The following TUSC3 variants were observed in gnomAD, a reference collection of about 807,000 sequenced individuals.
TUSC3 encodes the protein dolichyl-diphosphooligosaccharide--protein glycosyltransferase subunit TUSC3.
In TUSC3, 45 loss-of-function variants were observed where a neutral mutation model predicts 44.8. The observed-to-expected ratio is 1.00, with a 90% CI of 0.79 to 1.29. TUSC3 has a LOEUF of 1.29. Among genes scored for constraint, TUSC3 ranks in the 50% most tolerant of loss-of-function variants. The pLI is 0.00. For synonymous variants in TUSC3, 212 were observed against 152.9 expected (o/e 1.39, Z -2.85); for missense variants, 519 against 437.9 (o/e 1.19, Z -1.65).
intron 1 of TUSC3, among the ~76,000 whole-genome samples, chr8:15,590,513 A>C (rs10107821): frequency 0.027 from 4,168 of 152,022 alleles, 158 homozygotes; most frequent in African/African-American, 0.083. Flanking sequence ...ATTAACATTT[A>C]ATTTTTGTTT....
chr8:15,711,394 T>C (rs1433096704), intron 6 of TUSC3, among the ~76,000 whole-genome samples: 1 of 151,772 alleles, frequency 6.6e-6, no homozygotes, highest in Non-Finnish European at 1.5e-5. Context: ...GATAATTTAG[T>C]TTACTTTTTC....
chr8:15,644,874 G>A (rs896313287), intron 2 of TUSC3, among the ~76,000 whole-genome samples: 2 of 152,018 alleles, frequency 1.3e-5, no homozygotes, highest in Non-Finnish European at 2.9e-5. Flanking sequence ...TTTTCCCCAA[G>A]TATTGTATTT....
intron 1 of TUSC3, among the ~76,000 whole-genome samples, chr8:15,427,582 C>T (rs2129116305): frequency 6.6e-6 from 1 of 152,248 alleles, no homozygotes; most frequent in Non-Finnish European, 1.5e-5. Flanking sequence ...CCTGGTTGGC[C>T]TTCTTCCAAA....
intron 2 of TUSC3, among the ~76,000 whole-genome samples, chr8:15,527,462 C>T (rs952251281): frequency 6.6e-6 from 1 of 152,210 alleles, no homozygotes; most frequent in African/African-American, 2.4e-5. Flanking sequence ...CGTGATCCAC[C>T]TGCCCCGGCC....
At chr8:15,588,871 G>T (rs773999396) in intron 1 of TUSC3, among the ~76,000 whole-genome samples, 3 of 152,064 alleles carry the variant, frequency 2.0e-5, no homozygotes, top group Non-Finnish European at 2.9e-5. Flanking sequence ...CTGTGAATAT[G>T]TGGATTTATT....
intron 9 of TUSC3, 58 bp downstream of exon 9, chr8:15,748,523 A>T: frequency 7.3e-7 from 1 of 1,369,832 alleles, no homozygotes; most frequent in Middle Eastern, 1.8e-4. Context: ...ACAGAGTTTC[A>T]GTGGTTAATA....
At position 15,540,363 on chromosome 8, in the gene TUSC3, G is replaced by C. The variant is rs1047084639; in HGVS notation, c.-68G>C. 1.9e-5 allele frequency: 28 copies of C among 1,445,232 alleles called. 1 individual carries two copies. Among genetic ancestry groups the C allele is most frequent in the Non-Finnish European group, 2.6e-5 (28 of 1,094,410 alleles). 89.5% of individuals were successfully genotyped at this position (1,445,232 alleles called of 1,614,324 possible). On this transcript the variant is annotated 5_prime_UTR_variant, in exon 1 of 11. Coordinates refer to ENST00000503731, the MANE Select transcript of TUSC3 (RefSeq NM_006765.4). ...CGGGCTCCCGGAGGCTGGCCGGGCAGGCGTGGTGCGCGGTAGGAGCTGGGC... is the reference window on the plus strand; with the variant it reads ...CGGGCTCCCGGAGGCTGGCCGGGCACGCGTGGTGCGCGGTAGGAGCTGGGC...
chr8:15,849,248 G>T, the TUSC3 span, among the ~76,000 whole-genome samples: 1 of 151,894 alleles, frequency 6.6e-6, no homozygotes, highest in East Asian at 1.9e-4. Flanking sequence ...CAGGTGTAAC[G>T]TATTCCACCT....
chr8:15,431,176 G>A (rs960447111), intron 1 of TUSC3, among the ~76,000 whole-genome samples: 1 of 151,530 alleles, frequency 6.6e-6, no homozygotes, highest in African/African-American at 2.4e-5. Context: ...GTCTATTGTG[G>A]TTCCCTATGA....
chr8:15,703,723 T>C (rs1357280025), intron 6 of TUSC3, among the ~76,000 whole-genome samples: 1 of 152,076 alleles, frequency 6.6e-6, no homozygotes, highest in Non-Finnish European at 1.5e-5. Context: ...TCTTAAATCA[T>C]GGAAACTAAT....
chr8:15,656,497 C>T (rs1200859567), intron 3 of TUSC3, among the ~76,000 whole-genome samples: 2 of 152,218 alleles, frequency 1.3e-5, no homozygotes, highest in African/African-American at 4.8e-5. Flanking sequence ...AACAGTATTA[C>T]ATCTGAAAGC....
intron 1 of TUSC3, among the ~76,000 whole-genome samples, chr8:15,585,545 G>A (rs1389025221): frequency 6.6e-6 from 1 of 152,162 alleles, no homozygotes; most frequent in Non-Finnish European, 1.5e-5. Flanking sequence ...AAACTGATGA[G>A]GGCTGGGCAT....
intron 1 of TUSC3, among the ~76,000 whole-genome samples, chr8:15,483,171 T>C (rs988495279): frequency 6.6e-6 from 1 of 152,196 alleles, no homozygotes. Context: ...TTAAATTCTA[T>C]TAAATTTTTT....
At position 15,524,889 on chromosome 8, in the gene TUSC3, C is replaced by G. The variant is rs936910826; in HGVS notation, n.189+41406C>G. ...GGCAAAAATGTAAAACACTGTCACT[C>G]TTCTGTAACAGTGAAATGGTAAAAG... On this transcript the variant is annotated intron_variant and non_coding_transcript_variant, in intron 2 of 5. Coordinates refer to the TUSC3 transcript ENST00000503191. Among the ~76,000 whole-genome samples the G allele has an allele frequency of 9.8e-5, 15 of 152,312 alleles. No individual in the cohort carries two copies. In the East Asian group the frequency reaches 2.5e-3, roughly 25 times the overall value.
chr8:15,838,869 A>C, the TUSC3 span, among the ~76,000 whole-genome samples: 1 of 152,158 alleles, frequency 6.6e-6, no homozygotes, highest in Non-Finnish European at 1.5e-5. Flanking sequence ...TGAACTTTAA[A>C]GTAGTTTTTT....
chr8:15,573,550 C>G (rs997191171), intron 1 of TUSC3, among the ~76,000 whole-genome samples: 2 of 151,866 alleles, frequency 1.3e-5, no homozygotes, highest in Non-Finnish European at 2.9e-5. Flanking sequence ...GTCTCTCCTT[C>G]CCCCCTCATC....
At chr8:15,738,320 CAAGT>C (rs1418215705) in intron 7 of TUSC3, among the ~76,000 whole-genome samples, 12 of 152,170 alleles carry the variant, frequency 7.9e-5, no homozygotes, top group South Asian at 4.2e-4. Context: ...AAAAAATTGT[CAAGT>C]AAGAATAAAG....
chr8:15,604,224 G>C (rs1804424815), intron 1 of TUSC3, among the ~76,000 whole-genome samples: 1 of 151,586 alleles, frequency 6.6e-6, no homozygotes, highest in Non-Finnish European at 1.5e-5. Context: ...ACCTGTTTAT[G>C]GGTGCGTCTT....
chr8:15,483,649 A>ATTTTTTTTTTTTTTTTTT lies in TUSC3; in HGVS notation n.189+173_189+190dup, dbSNP rs60092911. Among the ~76,000 whole-genome samples the ATTTTTTTTTTTTTTTTTT allele has an allele frequency of 1.4e-3, 94 of 66,154 alleles. 10 individuals are homozygous for ATTTTTTTTTTTTTTTTTT. The highest frequency in any genetic ancestry group is 2.7e-3 in the East Asian group (4 of 1,490). The allele number at this position is 66,154 out of a possible 152,430, so 43.4% of individuals were successfully genotyped here. A position where few individuals can be genotyped will look rare whatever the true frequency, so the allele number is the denominator to read the frequency against. On this transcript the variant is annotated intron_variant and non_coding_transcript_variant, in intron 2 of 5. Transcript: ENST00000503191. ...CCGTCGTGCCCAGCCTAGCACTGTG[A>ATTTTTTTTTTTTTTTTTT]TTTTTTTTTTTTTTTTTTTTTTTTG...
Sources: allele counts gnomAD v4.1 joint callset (sites outside exome capture counted in the v4.1 genomes callset), GRCh38; gene constraint gnomAD v4.1.1; transcripts MANE v1.5; gene names NCBI Gene and HGNC (gene_info 2026-07-23, HGNC 2026-07-21).